TUBA1C: variants seen among roughly 807,000 people sequenced by gnomAD.
The protein encoded by TUBA1C is tubulin alpha 1c.
Under a neutral mutation model 34.9 loss-of-function variants are expected in TUBA1C, and 16 were observed. The ratio of observed to expected loss-of-function variants is 0.46; its 90% confidence interval spans 0.31 to 0.70. TUBA1C has a LOEUF of 0.70. TUBA1C is among the 30% of genes least tolerant of loss of function. TUBA1C has a pLI of 0.05. For missense variants in TUBA1C, 329 were observed against 587.3 expected (o/e 0.56, Z 4.55); for synonymous variants, 177 against 215.9 (o/e 0.82, Z 1.58).
intron 1 of TUBA1C, among the ~76,000 whole-genome samples, chr12:49,259,860 G>C (rs1213143530): frequency 6.6e-6 from 1 of 152,180 alleles, no homozygotes; most frequent in Admixed American, 6.6e-5. Context: ...TGTGTCCTGG[G>C]AGCAGGAGGA....
intron 1 of TUBA1C, among the ~76,000 whole-genome samples, chr12:49,234,338 C>T (rs1207654558): frequency 3.3e-5 from 5 of 152,232 alleles, no homozygotes; most frequent in Admixed American, 2.0e-4. Flanking sequence ...TCTTAAATAA[C>T]AAGGACACCC....
chr12:49,252,639 C>T (rs1031657935), intron 1 of TUBA1C, among the ~76,000 whole-genome samples: 1 of 152,062 alleles, frequency 6.6e-6, no homozygotes, highest in Non-Finnish European at 1.5e-5. Flanking sequence ...TGGCTGGGCA[C>T]GGTGGCTCAC....
chr12:49,273,384 C>CT lies in TUBA1C; in HGVS notation c.*158dup. Reference sequence around the variant, plus strand: ...TCCAGTTAAAGTTGGATGTATGAGGCTGGTAGATGAAACCACCTGAGTCGA... The same window carrying CT: ...TCCAGTTAAAGTTGGATGTATGAGGCTTGGTAGATGAAACCACCTGAGTCGA... On this transcript the variant is annotated 3_prime_UTR_variant, in exon 4 of 4. Coordinates refer to ENST00000301072, the MANE Select transcript of TUBA1C (RefSeq NM_032704.5). The CT allele has an allele frequency of 7.2e-7, 1 of 1,398,160 alleles. No homozygotes were observed. Among genetic ancestry groups the CT allele is most frequent in the Non-Finnish European group, 9.8e-7 (1 of 1,025,510 alleles). The allele number at this position is 1,398,160 out of a possible 1,614,324, so 86.6% of individuals were successfully genotyped here.
intron 1 of TUBA1C, chr12:49,256,465 A>G: frequency 2.2e-6 from 1 of 455,242 alleles, no homozygotes; most frequent in East Asian, 6.9e-5. Context: ...ACTGGATAAG[A>G]AGTCGATTTT....
intron 1 of TUBA1C, among the ~76,000 whole-genome samples, chr12:49,268,402 ATTT>A (rs527927416): frequency 7.0e-6 from 1 of 143,186 alleles, no homozygotes; most frequent in Non-Finnish European, 1.5e-5. Context: ...CTCTACCATA[ATTT>A]TTTTTTTTTT....
chr12:49,241,559 A>G (rs929776355), intron 1 of TUBA1C, among the ~76,000 whole-genome samples: 22 of 152,058 alleles, frequency 1.4e-4, no homozygotes, highest in African/African-American at 5.1e-4. Flanking sequence ...AATAGTTACA[A>G]TTCATGCAAT....
At position 49,248,431 on chromosome 12, in the gene TUBA1C, C is replaced by T. The variant is rs184195603; in HGVS notation, c.213+20265C>T. ...AAAAAATACAAAAATTAGCTGGGCG[C>T]GGTGGCGGCGCCTATAGTCCCAGCT... On this transcript the variant is annotated intron_variant, in intron 1 of 3. Coordinates refer to the TUBA1C transcript ENST00000541364. Among the ~76,000 whole-genome samples the T allele has an allele frequency of 3.3e-4, 48 of 145,810 alleles. No individual in the cohort carries two copies. The South Asian group carries it at 7.8e-3, about 24-fold the overall frequency.
intron 3 of TUBA1C, among the ~76,000 whole-genome samples, chr12:49,271,092 C>A (rs1206176441): frequency 6.6e-6 from 1 of 152,158 alleles, no homozygotes; most frequent in African/African-American, 2.4e-5. Flanking sequence ...GGTTCTGGAA[C>A]GTGAGGTTTA....
At chr12:49,270,914 G>A (rs1279885364) in intron 3 of TUBA1C, among the ~76,000 whole-genome samples, 1 of 152,110 alleles carries the variant, frequency 6.6e-6, no homozygotes, top group Non-Finnish European at 1.5e-5. Context: ...GGGAGGCGGA[G>A]CTTGCAGTGA....
intron 1 of TUBA1C, among the ~76,000 whole-genome samples, chr12:49,237,146 A>G (rs1942563720): frequency 6.6e-6 from 1 of 152,192 alleles, no homozygotes. Context: ...CGGGCCAGGC[A>G]TCGTGGCTCA....
At chr12:49,255,621 C>T (rs1158697609) in intron 1 of TUBA1C, among the ~76,000 whole-genome samples, 9 of 152,140 alleles carry the variant, frequency 5.9e-5, no homozygotes, top group Admixed American at 5.2e-4. Flanking sequence ...TGCAGTGGCG[C>T]AATCTCAGCT....
At chr12:49,248,956 A>G (rs536377188) in intron 1 of TUBA1C, among the ~76,000 whole-genome samples, 12 of 152,240 alleles carry the variant, frequency 7.9e-5, no homozygotes, top group Non-Finnish European at 1.6e-4. Context: ...ACAGACTTCT[A>G]AATAGCACAT....
chr12:49,242,369 T>C (rs1016576717), intron 1 of TUBA1C, among the ~76,000 whole-genome samples: 2 of 152,168 alleles, frequency 1.3e-5, no homozygotes, highest in Non-Finnish European at 2.9e-5. Flanking sequence ...CTCCTTCCAT[T>C]TGTAGAAAAT....
At chr12:49,230,084 C>CTTTTTTTTTTTTTTTTTT (rs574222733) in intron 1 of TUBA1C, among the ~76,000 whole-genome samples, 1 of 143,522 alleles carries the variant, frequency 7.0e-6, no homozygotes, top group African/African-American at 2.6e-5. Flanking sequence ...ACATCCTGGC[C>CTTTTTTTTTTTTTTTTTT]TTTTTTTTTT....
chr12:49,246,113 C>T (rs1565641605), intron 1 of TUBA1C, among the ~76,000 whole-genome samples: 1 of 151,826 alleles, frequency 6.6e-6, no homozygotes, highest in Admixed American at 6.6e-5. Context: ...ACCATGTTAG[C>T]CAGGCTGGTC....
chr12:49,266,378 C>G (rs11168947), intron 1 of TUBA1C, among the ~76,000 whole-genome samples: 1 of 151,606 alleles, frequency 6.6e-6, no homozygotes, highest in Admixed American at 6.6e-5. Flanking sequence ...TGCAGTGAGC[C>G]GAGATCGCGC....
upstream of TUBA1C, among the ~76,000 whole-genome samples, chr12:49,263,132 T>C (rs967967792): frequency 6.6e-6 from 1 of 150,996 alleles, no homozygotes; most frequent in African/African-American, 2.4e-5. Context: ...CAAGTAATTC[T>C]GCCTCAGCCT....
At chr12:49,263,381 G>A (rs1401363815), upstream of TUBA1C, among the ~76,000 whole-genome samples, 1 of 151,894 alleles carries the variant, frequency 6.6e-6, no homozygotes, top group Non-Finnish European at 1.5e-5. Flanking sequence ...TCTCCATGAG[G>A]CAGAGCCATC....
At chr12:49,265,321 T>G in intron 1 of TUBA1C, 137 bp downstream of exon 1, 1 of 590,144 alleles carries the variant, frequency 1.7e-6, no homozygotes, top group Non-Finnish European at 2.7e-6. Flanking sequence ...ACCTGGCTTG[T>G]GGCGGCCGGG....
Sources: allele counts gnomAD v4.1 joint callset (sites outside exome capture counted in the v4.1 genomes callset), GRCh38; gene constraint gnomAD v4.1.1; transcripts MANE v1.5; gene names NCBI Gene and HGNC (gene_info 2026-07-23, HGNC 2026-07-21).